PRKCE: variants seen among roughly 807,000 people sequenced by gnomAD.
PRKCE encodes the protein protein kinase C epsilon type.
A neutral mutation model predicts 85.4 loss-of-function variants in PRKCE; 16 were observed. The observed-to-expected ratio is 0.19, with a 90% CI of 0.13 to 0.28. The LOEUF is 0.28. Ranked by LOEUF, PRKCE falls within the 10% of genes least tolerant of loss-of-function variation. The pLI is 1.00. For missense variants in PRKCE, 573 were observed against 975.2 expected (o/e 0.59, Z 5.49); for synonymous variants, 388 against 371.5 (o/e 1.04, Z -0.51).
chr2:46,142,316 T>A (rs1422491945), intron 11 of PRKCE, among the ~76,000 whole-genome samples: 2 of 152,214 alleles, frequency 1.3e-5, no homozygotes, highest in African/African-American at 4.8e-5. Flanking sequence ...TTGTTTATAA[T>A]GGAACCGAAG....
At chr2:46,126,858 A>G (rs1039732239) in intron 11 of PRKCE, among the ~76,000 whole-genome samples, 2 of 152,304 alleles carry the variant, frequency 1.3e-5, no homozygotes, top group Admixed American at 6.5e-5. Flanking sequence ...TGGAGGCAGG[A>G]CAAGCATGAG....
At chr2:45,830,677 A>G (rs1690349945) in intron 1 of PRKCE, among the ~76,000 whole-genome samples, 1 of 56,742 alleles carries the variant, frequency 1.8e-5, no homozygotes, top group South Asian at 5.6e-4. Flanking sequence ...GTGGCATTTT[A>G]GAATACTAGG....
chr2:45,966,533 G>T (rs900003645), intron 2 of PRKCE, among the ~76,000 whole-genome samples: 3 of 152,188 alleles, frequency 2.0e-5, no homozygotes, highest in African/African-American at 7.2e-5. Flanking sequence ...CAGGATAGTT[G>T]AATTGTTTTC....
chr2:45,961,819 C>T (rs1457705528), intron 2 of PRKCE, among the ~76,000 whole-genome samples: 1 of 152,156 alleles, frequency 6.6e-6, no homozygotes, highest in Non-Finnish European at 1.5e-5. Context: ...CCTGAGCTTC[C>T]TGAGTAGCTG....
intron 2 of PRKCE, among the ~76,000 whole-genome samples, chr2:45,891,042 G>A (rs555373396): frequency 6.6e-6 from 1 of 152,250 alleles, no homozygotes; most frequent in East Asian, 1.9e-4. Flanking sequence ...GAAGATGAGG[G>A]CTTTTAGGAA....
At chr2:46,126,195 T>G (rs1485530177) in intron 11 of PRKCE, among the ~76,000 whole-genome samples, 1 of 152,204 alleles carries the variant, frequency 6.6e-6, no homozygotes, top group Non-Finnish European at 1.5e-5. Flanking sequence ...CACAGAGATC[T>G]CTCTGGGTCT....
At chr2:45,784,610 G>C (rs1686450767) in intron 1 of PRKCE, among the ~76,000 whole-genome samples, 1 of 152,094 alleles carries the variant, frequency 6.6e-6, no homozygotes, top group Admixed American at 6.5e-5. Context: ...GATAAAGTAA[G>C]AACAGGGCAT....
In PRKCE at chr2:45,793,518, G is replaced by A. The variant is rs577522195; in HGVS notation, c.349-49482G>A. ...AGATTACTGATGAATCCAAGCTGCA[G>A]GTTGTTTTTCTCTAGCAATGGTAAA... On this transcript the variant is annotated intron_variant, in intron 1 of 14. Coordinates refer to ENST00000306156, the MANE Select transcript of PRKCE (RefSeq NM_005400.3). Among the ~76,000 whole-genome samples the A allele has an allele frequency of 3.9e-4, 59 of 152,304 alleles. 2 individuals are homozygous for A. In the South Asian group the frequency reaches 0.012, roughly 31 times the overall value.
At chr2:45,868,272 A>C (rs1693779854) in intron 2 of PRKCE, among the ~76,000 whole-genome samples, 1 of 120,854 alleles carries the variant, frequency 8.3e-6, no homozygotes, top group Non-Finnish European at 1.7e-5. Context: ...GCTTGGGTTA[A>C]GAACATCTTC....
At chr2:46,163,695 A>T (rs1678016718) in intron 14 of PRKCE, among the ~76,000 whole-genome samples, 2 of 144,222 alleles carry the variant, frequency 1.4e-5, no homozygotes, top group African/African-American at 5.2e-5. Context: ...AGACACGGGG[A>T]AGCTGAGGCA....
chr2:45,985,506 T>C (rs1158359314), intron 6 of PRKCE, among the ~76,000 whole-genome samples: 1 of 152,190 alleles, frequency 6.6e-6, no homozygotes, highest in African/African-American at 2.4e-5. Context: ...TTACTGTTTG[T>C]GTGGAATGTA....
chr2:45,805,302 G>A (rs923641692), intron 1 of PRKCE, among the ~76,000 whole-genome samples: 4 of 152,140 alleles, frequency 2.6e-5, no homozygotes, highest in Non-Finnish European at 5.9e-5. Flanking sequence ...TGTGCTCCTA[G>A]CCACTACACA....
chr2:46,057,732 A>G (rs1230170733), intron 10 of PRKCE, among the ~76,000 whole-genome samples: 1 of 151,722 alleles, frequency 6.6e-6, no homozygotes, highest in Non-Finnish European at 1.5e-5. Context: ...ATGACCTTGT[A>G]TTTTTGTTTG....
At chr2:46,025,684 T>C (rs956792654) in intron 10 of PRKCE, among the ~76,000 whole-genome samples, 1 of 152,184 alleles carries the variant, frequency 6.6e-6, no homozygotes, top group Non-Finnish European at 1.5e-5. Context: ...GTCACAGGAA[T>C]AAGAACCCTG....
In PRKCE at chr2:45,999,176, C is replaced by CCTG. The variant is rs1704463079; in HGVS notation, c.824-2225_824-2223dup. Among the ~76,000 whole-genome samples the CCTG allele has an allele frequency of 3.3e-5, 5 of 152,228 alleles. No individual in the cohort carries two copies. In the South Asian group the frequency reaches 1.0e-3, roughly 32 times the overall value. On this transcript the variant is annotated intron_variant, in intron 6 of 14. Coordinates refer to ENST00000306156, the MANE Select transcript of PRKCE (RefSeq NM_005400.3). ...CCACTTATTTCTTCACCTTTCTTTACCTGCTCTCTTTTTCATGTAGATCCA... is the reference window on the plus strand; with the variant it reads ...CCACTTATTTCTTCACCTTTCTTTACCTGCTGCTCTCTTTTTCATGTAGATCCA...
chr2:46,176,825 T>G (rs183742978), intron 14 of PRKCE, among the ~76,000 whole-genome samples: 1 of 152,240 alleles, frequency 6.6e-6, no homozygotes, highest in East Asian at 1.9e-4. Flanking sequence ...TTTGCATGAG[T>G]GTCCCAACAG....
Position 46,155,340 on chromosome 2 carries a change from AGCTCCTTGCTGGTG to A in PRKCE, c.1920+4112_1920+4125del, listed in dbSNP as rs1244667741. ...TGGACCCCTTCAAGGAGCTCTTCTC[AGCTCCTTGCTGGTG>A]TCACTCGCGGGCCCCTGTTCGGCTC... On this transcript the variant is annotated intron_variant, in intron 13 of 14. Coordinates refer to ENST00000306156, the MANE Select transcript of PRKCE (RefSeq NM_005400.3). The surrounding 1 kb of genome is among the most constrained non-coding windows in gnomAD (Gnocchi z 4.7). Among the ~76,000 whole-genome samples, 1 of 152,098 alleles carries A rather than the reference AGCTCCTTGCTGGTG, an allele frequency of 6.6e-6. No individual in the cohort carries two copies.
At chr2:45,917,531 T>G (rs1697893179) in intron 2 of PRKCE, among the ~76,000 whole-genome samples, 1 of 152,226 alleles carries the variant, frequency 6.6e-6, no homozygotes, top group South Asian at 2.1e-4. Context: ...GAGTGCCGAT[T>G]GGTGTATTTA....
chr2:45,763,242 C>G (rs1350963285), intron 1 of PRKCE, among the ~76,000 whole-genome samples: 1 of 152,188 alleles, frequency 6.6e-6, no homozygotes, highest in Non-Finnish European at 1.5e-5. Flanking sequence ...GCGTGAGCCA[C>G]TGCTCCTGGC....
Sources: allele counts gnomAD v4.1 joint callset (sites outside exome capture counted in the v4.1 genomes callset), GRCh38; gene constraint gnomAD v4.1.1; non-coding constraint Gnocchi (gnomAD v3.1); transcripts MANE v1.5; gene names NCBI Gene and HGNC (gene_info 2026-07-23, HGNC 2026-07-21).